The following ADAMTSL1 variants were observed in gnomAD, a reference collection of about 807,000 sequenced individuals.
ADAMTSL1 encodes the protein ADAMTS like 1, also known as ADAMTS-like protein 1.
In ADAMTSL1, 126 loss-of-function variants were observed where a neutral mutation model predicts 201.8. That is an observed-to-expected ratio of 0.62 (90% CI 0.54 to 0.72). ADAMTSL1 has a LOEUF of 0.72. Among genes scored for constraint, ADAMTSL1 ranks in the 30% least tolerant of loss-of-function variants. The pLI is 0.00. For missense variants in ADAMTSL1, 2,679 were observed against 2,277.8 expected (o/e 1.18, Z -3.59); for synonymous variants, 1,121 against 903.4 (o/e 1.24, Z -4.32).
chr9:17,979,720 T>A (rs775292862), intron 1 of ADAMTSL1, among the ~76,000 whole-genome samples: 1 of 152,132 alleles, frequency 6.6e-6, no homozygotes, highest in Non-Finnish European at 1.5e-5. Flanking sequence ...GTGGCTCTGG[T>A]GTTTGTGCAT....
intron 1 of ADAMTSL1, among the ~76,000 whole-genome samples, chr9:18,029,208 C>CAG (rs1053805287): frequency 2.0e-5 from 3 of 152,082 alleles, no homozygotes; most frequent in East Asian, 1.9e-4. Flanking sequence ...CATCTGCAAA[C>CAG]GGACAATTTG....
intron 2 of ADAMTSL1, among the ~76,000 whole-genome samples, chr9:18,272,663 A>G (rs1231525594): frequency 6.6e-6 from 1 of 152,190 alleles, no homozygotes; most frequent in South Asian, 2.1e-4. Flanking sequence ...GAAGGCACAC[A>G]TGTTTCCTGG....
At chr9:18,180,835 C>G (rs1828436611) in intron 2 of ADAMTSL1, among the ~76,000 whole-genome samples, 3 of 152,150 alleles carry the variant, frequency 2.0e-5, no homozygotes, top group Admixed American at 6.5e-5. Flanking sequence ...CAAGTCAATC[C>G]TAAGGCAAAA....
intron 2 of ADAMTSL1, among the ~76,000 whole-genome samples, chr9:18,301,416 C>G (rs1587504200): frequency 6.6e-6 from 1 of 152,126 alleles, no homozygotes; most frequent in African/African-American, 2.4e-5. Context: ...TTCCATGACC[C>G]CCAGTGGATG....
intron 4 of ADAMTSL1, among the ~76,000 whole-genome samples, chr9:18,606,670 G>A (rs1428933419): frequency 6.6e-6 from 1 of 152,146 alleles, no homozygotes; most frequent in African/African-American, 2.4e-5. Flanking sequence ...CACCTGTTCA[G>A]TTGCAGAGTT....
intron 1 of ADAMTSL1, among the ~76,000 whole-genome samples, chr9:18,090,493 C>A (rs1412185289): frequency 1.3e-5 from 2 of 152,086 alleles, no homozygotes; most frequent in African/African-American, 4.8e-5. Context: ...AATTCAGTCA[C>A]CAAAGGATAA....
At chr9:18,874,945 T>A (rs543602872) in intron 23 of ADAMTSL1, among the ~76,000 whole-genome samples, 1 of 152,276 alleles carries the variant, frequency 6.6e-6, no homozygotes, top group South Asian at 2.1e-4. Context: ...GTCTCACTGC[T>A]TGTTATTGAT....
intron 23 of ADAMTSL1, among the ~76,000 whole-genome samples, chr9:18,856,722 T>G (rs1826876751): frequency 6.6e-6 from 1 of 152,116 alleles, no homozygotes; most frequent in Non-Finnish European, 1.5e-5. Context: ...CCTCCCAAAG[T>G]GCTGGGATTA....
At chr9:18,021,667 C>G (rs1820485834) in intron 1 of ADAMTSL1, among the ~76,000 whole-genome samples, 1 of 152,078 alleles carries the variant, frequency 6.6e-6, no homozygotes, top group African/African-American at 2.4e-5. Flanking sequence ...TATAACTGCT[C>G]AGATGATTGT....
chr9:18,507,618 A>G (rs891489863), intron 2 of ADAMTSL1, among the ~76,000 whole-genome samples: 3 of 152,200 alleles, frequency 2.0e-5, no homozygotes. Flanking sequence ...ACAACATGCT[A>G]TTATTGAACA....
chr9:18,679,676 A>T (rs1830332545), intron 10 of ADAMTSL1, among the ~76,000 whole-genome samples: 1 of 152,160 alleles, frequency 6.6e-6, no homozygotes, highest in Non-Finnish European at 1.5e-5. Context: ...GTTAGGGAAT[A>T]TGTAGATAAT....
intron 3 of ADAMTSL1, among the ~76,000 whole-genome samples, chr9:18,554,988 T>C (rs556408015): frequency 2.0e-5 from 3 of 151,964 alleles, no homozygotes; most frequent in African/African-American, 7.2e-5. Flanking sequence ...TACAGGATAG[T>C]TTCACTACCT....
At chr9:18,623,419 T>C (rs573384986) in intron 5 of ADAMTSL1, among the ~76,000 whole-genome samples, 1 of 152,186 alleles carries the variant, frequency 6.6e-6, no homozygotes, top group South Asian at 2.1e-4. Flanking sequence ...ACAGTTGTAA[T>C]GGAGCCAAGA....
At chr9:18,254,258 C>T (rs1367294791) in intron 2 of ADAMTSL1, among the ~76,000 whole-genome samples, 3 of 148,338 alleles carry the variant, frequency 2.0e-5, no homozygotes, top group Admixed American at 6.7e-5. Context: ...TATTTGAGGG[C>T]TAACATTTAC....
chr9:18,170,198 T>G (rs959107847), intron 2 of ADAMTSL1, among the ~76,000 whole-genome samples: 5 of 152,060 alleles, frequency 3.3e-5, no homozygotes, highest in African/African-American at 1.2e-4. Flanking sequence ...GTTTCACACA[T>G]AAATATTTCA....
At chr9:18,428,262 A>G (rs371656686) in intron 2 of ADAMTSL1, among the ~76,000 whole-genome samples, 14 of 152,222 alleles carry the variant, frequency 9.2e-5, no homozygotes, top group Middle Eastern at 3.4e-3. Context: ...GTTTACCAAT[A>G]AAAAAGAAAA....
At chr9:18,713,809 C>T (rs1305492077) in intron 14 of ADAMTSL1, among the ~76,000 whole-genome samples, 3 of 147,658 alleles carry the variant, frequency 2.0e-5, no homozygotes, top group Non-Finnish European at 4.5e-5. Context: ...TTTTTCAGCA[C>T]CACACCACAC....
chr9:18,471,830 C>T (rs187477660), upstream of ADAMTSL1, among the ~76,000 whole-genome samples: 91 of 152,218 alleles, frequency 6.0e-4, no homozygotes, highest in East Asian at 0.017. Flanking sequence ...CATTAGCATG[C>T]CCATTAAAAC....
At chr9:18,746,774 C>CAAA (rs35648138) in intron 15 of ADAMTSL1, among the ~76,000 whole-genome samples, 4 of 120,688 alleles carry the variant, frequency 3.3e-5, no homozygotes, top group African/African-American at 9.4e-5. Context: ...CAAAGGAAGG[C>CAAA]AAAAAAAAAA....
Sources: gnomAD v4.1 joint callset for allele counts (sites outside exome capture counted in the v4.1 genomes callset) on GRCh38, gnomAD v4.1.1 for gene constraint, MANE v1.5 for transcripts, NCBI Gene and HGNC (gene_info 2026-07-23, HGNC 2026-07-21) for gene names.